The following NAV1 variants were observed in gnomAD, a reference collection of about 807,000 sequenced individuals.
The protein encoded by NAV1 is neuron navigator 1.
NAV1 carries 18 observed loss-of-function variants against 175.2 expected under a neutral mutation model. The ratio of observed to expected loss-of-function variants is 0.10; its 90% CI spans 0.07 to 0.15. The LOEUF is 0.15. NAV1 is among the 10% of genes least tolerant of loss of function. The pLI, the probability that NAV1 is intolerant of heterozygous loss-of-function variation, is 1.00. For synonymous variants in NAV1, 897 were observed against 978.7 expected, an observed-to-expected ratio of 0.92 and a Z score of 1.56; for missense variants, 1,731 against 2,436.6, an observed-to-expected ratio of 0.71 and a Z score of 6.10.
intron 2 of NAV1, among the ~76,000 whole-genome samples, chr1:201,637,496 G>C (rs1668644221): frequency 6.6e-6 from 1 of 152,216 alleles, no homozygotes; most frequent in Non-Finnish European, 1.5e-5. Flanking sequence ...GGTCACCACA[G>C]GTTTGGGCCT....
intron 1 of NAV1, among the ~76,000 whole-genome samples, chr1:201,701,182 T>C (rs1671408148): frequency 6.7e-6 from 1 of 150,046 alleles, no homozygotes; most frequent in Non-Finnish European, 1.5e-5. Flanking sequence ...AAACACTGCA[T>C]GTTCTCACTC....
intron 1 of NAV1, among the ~76,000 whole-genome samples, chr1:201,674,880 T>TAC (rs1164524338): frequency 1.3e-5 from 2 of 151,946 alleles, no homozygotes; most frequent in East Asian, 3.9e-4. Context: ...CTACTAAAAA[T>TAC]ACACACACAC....
chr1:201,683,379 G>C (rs906856862), intron 1 of NAV1, among the ~76,000 whole-genome samples: 5 of 152,080 alleles, frequency 3.3e-5, no homozygotes, highest in African/African-American at 7.2e-5. Context: ...ATTTTTCCAC[G>C]GACAGGGGTT....
chr1:201,541,268 A>G (rs1368016528), intron 1 of NAV1, among the ~76,000 whole-genome samples: 1 of 152,308 alleles, frequency 6.6e-6, no homozygotes, highest in East Asian at 1.9e-4. Context: ...AACTAATAGA[A>G]TTGGGGAGAA....
At chr1:201,757,180 A>G (rs1674566323) in intron 3 of NAV1, among the ~76,000 whole-genome samples, 1 of 152,188 alleles carries the variant, frequency 6.6e-6, no homozygotes, top group African/African-American at 2.4e-5. Context: ...ATGCCATTGA[A>G]CATCTGAAAA....
At chr1:201,789,879 G>A in intron 11 of NAV1, 87 bp downstream of exon 15, 2 of 1,288,342 alleles carry the variant, frequency 1.6e-6, no homozygotes, top group South Asian at 2.4e-5. Context: ...TGGGTAACTG[G>A]GCGGGGGATG....
chr1:201,749,194 A>G (rs1250299016), intron 3 of NAV1, among the ~76,000 whole-genome samples: 1 of 152,208 alleles, frequency 6.6e-6, no homozygotes, highest in African/African-American at 2.4e-5. Flanking sequence ...TCTACCTGCG[A>G]AATAATGTCT....
At chr1:201,593,060 G>T (rs1005608826) in intron 2 of NAV1, among the ~76,000 whole-genome samples, 21 of 152,194 alleles carry the variant, frequency 1.4e-4, no homozygotes, top group African/African-American at 4.3e-4. Flanking sequence ...GCCTTAGATT[G>T]CCCCAGACAC....
intron 1 of NAV1, among the ~76,000 whole-genome samples, chr1:201,586,939 A>G (rs1026334141): frequency 2.6e-5 from 4 of 152,178 alleles, no homozygotes; most frequent in African/African-American, 7.2e-5. Flanking sequence ...GGCTGGGCAC[A>G]GTAGCTCACG....
chr1:201,804,200 A>G, intron 16 of NAV1: 1 of 529,652 alleles, frequency 1.9e-6, no homozygotes, highest in Non-Finnish European at 3.4e-6. Flanking sequence ...TCCAGAAGTC[A>G]TTTTTGTACG....
intron 3 of NAV1, among the ~76,000 whole-genome samples, chr1:201,756,830 TTC>T (rs747648521): frequency 8.5e-4 from 49 of 57,670 alleles, no homozygotes; most frequent in Non-Finnish European, 1.8e-3. Context: ...CTTTCTTTCT[TTC>T]TTTCTTTCTT....
intron 1 of NAV1, among the ~76,000 whole-genome samples, chr1:201,554,606 G>A (rs959307010): frequency 6.6e-6 from 1 of 152,190 alleles, no homozygotes; most frequent in Non-Finnish European, 1.5e-5. Flanking sequence ...GTGGAACATG[G>A]GAGGGACACA....
chr1:201,719,703 T>A (rs1337909462), intron 3 of NAV1: 1 of 153,500 alleles, frequency 6.5e-6, no homozygotes, highest in Non-Finnish European at 1.5e-5. Context: ...TACTGCCACT[T>A]TCACTCTCCC....
Position 201,694,146 on chromosome 1 carries a change from G to T in NAV1, c.758-18671G>T, listed in dbSNP as rs756601001. ...TTGGCCCGCTGTTCCCATGGCAACCGCCAGTCAGTGCTGAGCAAAGGAGGG... is the reference window on the plus strand; with the variant it reads ...TTGGCCCGCTGTTCCCATGGCAACCTCCAGTCAGTGCTGAGCAAAGGAGGG... On this transcript the variant is annotated intron_variant, in intron 1 of 29. Transcript: ENST00000367296. The surrounding 1 kb of genome is among the most constrained non-coding windows in gnomAD (Gnocchi z 4.2). Among the ~76,000 whole-genome samples, 15 of 152,206 alleles carry T rather than the reference G, an allele frequency of 9.9e-5. No individual in the cohort carries two copies. Among genetic ancestry groups the T allele is most frequent in the Non-Finnish European group, 2.1e-4 (14 of 68,030 alleles).
intron 1 of NAV1, among the ~76,000 whole-genome samples, chr1:201,548,520 G>A (rs942092634): frequency 1.3e-5 from 2 of 152,040 alleles, no homozygotes; most frequent in African/African-American, 2.4e-5. Context: ...ATGATTGCAC[G>A]ACTGCACTCC....
In NAV1 at chr1:201,800,853, C is replaced by T. The variant is rs545719443; in HGVS notation, c.3518-2740C>T. Among the ~76,000 whole-genome samples, 13 of 120,946 alleles carry T rather than the reference C, an allele frequency of 1.1e-4. No individual in the cohort carries two copies. In the South Asian group the frequency reaches 1.9e-3, roughly 17 times the overall value. 79.3% of individuals were successfully genotyped at this position (120,946 alleles called of 152,430 possible). A position where few individuals can be genotyped will look rare whatever the true frequency, so the allele number is the denominator to read the frequency against. The stretch of plus-strand genomic sequence containing the variant: ...TTTTTTTTTTTTTTAGACAGGGTCT[C>T]GCTCTCATTCTGTTGCCCTGGATGG... On this transcript the variant is annotated intron_variant, in intron 15 of 29. Transcript: ENST00000367296.
exon 30 of NAV1, chr1:201,826,830 G>A (rs1173090735): frequency 6.6e-6 from 1 of 152,176 alleles, no homozygotes; most frequent in East Asian, 1.9e-4. Context: ...TCATGCCAGA[G>A]CCAGCTGAAG....
rs191274005 is a variant in NAV1 at position 201,677,926 on chromosome 1, G to A, written c.757+28501G>A. Among the ~76,000 whole-genome samples the A allele has an allele frequency of 5.9e-5, 9 of 152,080 alleles. No individual in the cohort carries two copies. In the East Asian group the frequency reaches 9.7e-4, roughly 16 times the overall value. On this transcript the variant is annotated intron_variant, in intron 1 of 29. Coordinates refer to ENST00000367296, the Ensembl canonical transcript of NAV1. ...ATTACAGGCGTGACCCACCATACCC[G>A]GCCAAACTCACCTTCCTAATAGCCT...
chr1:201,724,820 C>T (rs1236343814), intron 3 of NAV1: 1 of 152,754 alleles, frequency 6.5e-6, no homozygotes, highest in East Asian at 1.9e-4. Context: ...TTTTTCTCTT[C>T]ACCGCCCCTT....
Sources: allele counts gnomAD v4.1 joint callset (sites outside exome capture counted in the v4.1 genomes callset), GRCh38; gene constraint gnomAD v4.1.1; non-coding constraint Gnocchi (gnomAD v3.1); transcripts MANE v1.5; gene names NCBI Gene and HGNC (gene_info 2026-07-23, HGNC 2026-07-21).